CDC23: variants seen among roughly 807,000 people sequenced by gnomAD.
The protein encoded by CDC23 is cell division cycle protein 23 homolog.
In CDC23, 26 loss-of-function variants were observed where a neutral mutation model predicts 81.7. The ratio of observed to expected loss-of-function variants is 0.32; its 90% confidence interval spans 0.23 to 0.44. The LOEUF (loss-of-function observed/expected upper bound fraction) is 0.44. Ranked by LOEUF, CDC23 falls within the 20% of genes least tolerant of loss-of-function variation. The pLI, the probability that CDC23 is intolerant of heterozygous loss-of-function variation, is 1.00. For missense variants in CDC23, 519 were observed against 728.0 expected (o/e 0.71, Z 3.30); for synonymous variants, 267 against 270.8 (o/e 0.99, Z 0.14).
intron 9 of CDC23, among the ~76,000 whole-genome samples, chr5:138,195,689 TAATA>T (rs528774879): frequency 0.022 from 2,515 of 113,286 alleles, 47 homozygotes; most frequent in Middle Eastern, 0.035. Context: ...TATATACATA[TAATA>T]TATATGCATA....
intron 13 of CDC23, 131 bp downstream of exon 13, chr5:138,191,343 A>G: frequency 1.2e-6 from 1 of 830,882 alleles, no homozygotes; most frequent in Non-Finnish European, 2.1e-6. Context: ...ACAAACCAGC[A>G]TTCACACACC....
At position 138,198,704 on chromosome 5, in the gene CDC23, C is replaced by G. The variant is rs1561635317; in HGVS notation, c.733G>C (p.Glu245Gln). ...AHIYTELQLI[E>Q]EALQKYQNLI... ...TTCTGATACTTTTGCAGGGCCTCCTCTATCAACTGCAACTCTGTGTATATA... is the reference window on the plus strand; with the variant it reads ...TTCTGATACTTTTGCAGGGCCTCCTGTATCAACTGCAACTCTGTGTATATA... The change falls in exon 7 of 16, where the codon GAG becomes CAG. Residue 245 changes from glutamate (E) to glutamine (Q), a missense_variant. Physicochemically the swap from Glu to Gln is conservative, Grantham distance 29. Coordinates refer to ENST00000394886, the MANE Select transcript of CDC23 (RefSeq NM_004661.4). 6.2e-7 allele frequency: 1 copy of G among 1,614,150 alleles called. No individual in the cohort carries two copies. Among genetic ancestry groups the G allele is most frequent in the Non-Finnish European group, 8.5e-7 (1 of 1,180,012 alleles).
intron 6 of CDC23, among the ~76,000 whole-genome samples, chr5:138,199,032 T>G (rs1032050080): frequency 6.6e-6 from 1 of 151,986 alleles, no homozygotes; most frequent in Non-Finnish European, 1.5e-5. Flanking sequence ...GGGTAGGATT[T>G]GAATACAAAA....
intron 2 of CDC23, among the ~76,000 whole-genome samples, chr5:138,207,609 A>G (rs529749520): frequency 6.6e-6 from 1 of 152,304 alleles, no homozygotes; most frequent in Admixed American, 6.5e-5. Flanking sequence ...AAGGCACAGA[A>G]CACAGCTGTA....
chr5:138,210,273 C>G (rs552626078), intron 2 of CDC23, among the ~76,000 whole-genome samples: 1 of 151,622 alleles, frequency 6.6e-6, no homozygotes, highest in East Asian at 1.9e-4. Context: ...CACCTGTAAC[C>G]CCAGCACCCT....
At chr5:138,208,015 G>A (rs993864876) in intron 2 of CDC23, among the ~76,000 whole-genome samples, 1 of 151,156 alleles carries the variant, frequency 6.6e-6, no homozygotes, top group Non-Finnish European at 1.5e-5. Flanking sequence ...AGGATGGAAT[G>A]CAGTGGTGTG....
chr5:138,195,783 C>CATATATTATATATGTATATATATA, intron 9 of CDC23, among the ~76,000 whole-genome samples: 1 of 93,338 alleles, frequency 1.1e-5, no homozygotes, highest in African/African-American at 3.9e-5. Flanking sequence ...TGTATATATA[C>CATATATTATATATGTATATATATA]ATATATTTTA....
intron 2 of CDC23, among the ~76,000 whole-genome samples, chr5:138,210,681 T>G (rs959182632): frequency 5.3e-5 from 8 of 152,186 alleles, no homozygotes; most frequent in Admixed American, 5.2e-4. Flanking sequence ...GTAAAGAGGC[T>G]GCTGAATCAA....
chr5:138,207,850 G>A (rs905519798), intron 2 of CDC23, among the ~76,000 whole-genome samples: 7 of 151,884 alleles, frequency 4.6e-5, no homozygotes, highest in African/African-American at 1.5e-4. Flanking sequence ...CCAGCTACTC[G>A]GGAGGCTGAG....
intron 9 of CDC23, among the ~76,000 whole-genome samples, chr5:138,193,395 A>C (rs1202953993): frequency 6.6e-6 from 1 of 152,050 alleles, no homozygotes; most frequent in Non-Finnish European, 1.5e-5. Context: ...CAGAAGTTTC[A>C]GACCAGCCTG....
intron 3 of CDC23, among the ~76,000 whole-genome samples, chr5:138,204,222 G>A (rs1755022234): frequency 6.6e-6 from 1 of 152,028 alleles, no homozygotes; most frequent in African/African-American, 2.4e-5. Flanking sequence ...GAGTACAGAA[G>A]TGCCAGGCAC....
chr5:138,209,474 G>T (rs2126590465), intron 2 of CDC23, among the ~76,000 whole-genome samples: 1 of 151,440 alleles, frequency 6.6e-6, no homozygotes, highest in South Asian at 2.1e-4. Context: ...CCAAGACAAA[G>T]GATAACGAGT....
chr5:138,212,777 C>T (rs1440579819), intron 2 of CDC23, among the ~76,000 whole-genome samples: 1 of 145,194 alleles, frequency 6.9e-6, no homozygotes. Context: ...ACTAATTCTC[C>T]CCAGCTTTAA....
intron 9 of CDC23, among the ~76,000 whole-genome samples, chr5:138,195,152 T>C (rs17234877): frequency 0.015 from 2,284 of 152,122 alleles, 24 homozygotes; most frequent in Non-Finnish European, 0.022. Context: ...AGTATGTATA[T>C]AATATCCTAT....
At position 138,204,685 on chromosome 5, in the gene CDC23, T is replaced by C. The variant is rs1466310356; in HGVS notation, c.372+1862A>G. 3.3e-5 allele frequency among the ~76,000 whole-genome samples: 5 copies of C among 151,080 alleles called. No individual in the cohort carries two copies. In the Admixed American group the frequency reaches 3.3e-4, roughly 10 times the overall value. ...CCCAGGCTGGAGTATAGTGGTATGA[T>C]CTCGGCTCACTGCAAGCTCCACCTT... On this transcript the variant is annotated intron_variant, in intron 3 of 15. Coordinates refer to ENST00000394886, the MANE Select transcript of CDC23 (RefSeq NM_004661.4).
At chr5:138,195,382 T>A (rs1754873288) in intron 9 of CDC23, among the ~76,000 whole-genome samples, 1 of 149,790 alleles carries the variant, frequency 6.7e-6, no homozygotes, top group Non-Finnish European at 1.5e-5. Context: ...CACAGAAGGT[T>A]AGGTAACTTG....
At position 138,213,263 on chromosome 5, in the gene CDC23, G is replaced by A. The variant is rs1195961131; in HGVS notation, c.50C>T (p.Ala17Val). The A allele has an allele frequency of 6.2e-7, 1 of 1,613,908 alleles. No individual in the cohort carries two copies. The highest frequency in any genetic ancestry group is 2.2e-5 in the East Asian group (1 of 44,886). The change falls in exon 1 of 16, where the codon GCG becomes GTG. Residue 17 changes from alanine (A) to valine (V), a missense_variant. By Grantham distance (64) the Ala-to-Val change is moderately conservative (BLOSUM62 0). Coordinates refer to ENST00000394886, the MANE Select transcript of CDC23 (RefSeq NM_004661.4). ...MVPVAVTAAV[A>V]PVLSINSDFS... is the part of the protein sequence containing the mutation. ...ATCGCTGTTTATGGACAGGACAGGC[G>A]CCACTGCCGCCGTCACAGCCACCGG...
chr5:138,196,168 A>C (rs1754902743), intron 9 of CDC23, among the ~76,000 whole-genome samples: 1 of 152,094 alleles, frequency 6.6e-6, no homozygotes, highest in South Asian at 2.1e-4. Flanking sequence ...CTGTATGCAG[A>C]AATTTTACTG....
Position 138,213,277 on chromosome 5 carries a change from C to T in CDC23, c.36G>A (p.Val12=), listed in dbSNP as rs756033676. 6.2e-7 allele frequency: 1 copy of T among 1,614,094 alleles called. No individual in the cohort carries two copies. Among genetic ancestry groups the T allele is most frequent in the South Asian group, 1.1e-5 (1 of 91,072 alleles). The change falls in exon 1 of 16, where the codon GTG becomes GTA. Residue 12 remains valine, a synonymous_variant. Transcript: ENST00000394886. ...AASTSMVPVA[V]TAAVAPVLSI... ...ACAGGACAGGCGCCACTGCCGCCGT[C>T]ACAGCCACCGGGACCATGGAGGTAC...
Sources: allele counts gnomAD v4.1 joint callset (sites outside exome capture counted in the v4.1 genomes callset), GRCh38; gene constraint gnomAD v4.1.1; transcripts MANE v1.5; gene names NCBI Gene and HGNC (gene_info 2026-07-23, HGNC 2026-07-21).